DPP10: variants seen among roughly 807,000 people sequenced by gnomAD.
The protein encoded by DPP10 is inactive dipeptidyl peptidase 10.
In DPP10, 33 loss-of-function variants were observed where a neutral mutation model predicts 120.9. The ratio of observed to expected loss-of-function variants is 0.27; its 90% CI spans 0.21 to 0.37. The LOEUF (loss-of-function observed/expected upper bound fraction) is 0.37, where lower values mean the gene tolerates loss of function less well. Among genes scored for constraint, DPP10 ranks in the 10% least tolerant of loss-of-function variants. The pLI, the probability that DPP10 is intolerant of heterozygous loss-of-function variation, is 1.00. For missense variants in DPP10, 816 were observed against 942.8 expected, an observed-to-expected ratio of 0.87 and a Z score of 1.76; for synonymous variants, 337 against 326.1, an observed-to-expected ratio of 1.03 and a Z score of -0.36.
chr2:115,665,072 T>A (rs1006137224), intron 5 of DPP10, among the ~76,000 whole-genome samples: 1 of 152,202 alleles, frequency 6.6e-6, no homozygotes, highest in Admixed American at 6.5e-5. Context: ...AATTTGTATT[T>A]TTAACTTACA....
chr2:114,837,324 C>T (rs78571637), intron 1 of DPP10, among the ~76,000 whole-genome samples: 13,221 of 152,106 alleles, frequency 0.087, 680 homozygotes, highest in Non-Finnish European at 0.11. Context: ...TGTCTTCAGC[C>T]GGTCCCTCCG....
At chr2:115,408,172 C>T (rs998266758) in intron 3 of DPP10, among the ~76,000 whole-genome samples, 3 of 152,096 alleles carry the variant, frequency 2.0e-5, no homozygotes, top group Admixed American at 2.0e-4. Flanking sequence ...AGTATCTGCT[C>T]TTACCCACAT....
chr2:115,608,886 C>T (rs1575324251), intron 5 of DPP10, among the ~76,000 whole-genome samples: 1 of 151,446 alleles, frequency 6.6e-6, no homozygotes, highest in East Asian at 1.9e-4. Context: ...AAGTTGAAGA[C>T]ATTGAAAAAG....
chr2:114,660,634 A>T (rs1697330524), intron 1 of DPP10, among the ~76,000 whole-genome samples: 1 of 152,218 alleles, frequency 6.6e-6, no homozygotes, highest in African/African-American at 2.4e-5. Flanking sequence ...TCCAGACGTC[A>T]TTGGTAATAG....
intron 1 of DPP10, among the ~76,000 whole-genome samples, chr2:114,782,509 G>A (rs1045374869): frequency 1.3e-5 from 2 of 151,866 alleles, no homozygotes; most frequent in African/African-American, 4.8e-5. Flanking sequence ...AGCATCTGAA[G>A]GCACCCATTT....
intron 5 of DPP10, among the ~76,000 whole-genome samples, chr2:115,569,893 A>G (rs2081239938): frequency 6.6e-6 from 1 of 152,162 alleles, no homozygotes; most frequent in South Asian, 2.1e-4. Context: ...AAACACTAAT[A>G]AAATGCTAAT....
Position 115,829,325 on chromosome 2 carries a change from G to A in DPP10, c.1951-6832G>A, listed in dbSNP as rs559835240. On this transcript the variant is annotated intron_variant, in intron 21 of 25. Coordinates refer to ENST00000410059, the MANE Select transcript of DPP10 (RefSeq NM_020868.6). ...CATCATTAACAGTGATACCAACTAA[G>A]AATTAAGTTCTCATTCATTTCAGGG... 2.5e-3 allele frequency among the ~76,000 whole-genome samples: 378 copies of A among 152,196 alleles called. 3 individuals are homozygous for A. Among genetic ancestry groups the A allele is most frequent in the Non-Finnish European group, 3.9e-3 (264 of 67,982 alleles).
At chr2:114,563,052 T>C (rs1220013003) in intron 1 of DPP10, among the ~76,000 whole-genome samples, 1 of 152,234 alleles carries the variant, frequency 6.6e-6, no homozygotes, top group East Asian at 1.9e-4. Context: ...CTGTTTTTCA[T>C]TCAAATTTCA....
At position 114,923,210 on chromosome 2, in the gene DPP10, G is replaced by A. The variant is rs192743598; in HGVS notation, c.61-386029G>A. Among the ~76,000 whole-genome samples, 924 of 146,966 alleles carry A rather than the reference G, an allele frequency of 6.3e-3. 8 individuals carry two copies. Among genetic ancestry groups the A allele is most frequent in the African/African-American group, 0.022 (862 of 39,806 alleles). ...TTTTTCTTTTTTTTTTTTAGACAGA[G>A]TGTCACTCTGTCACCCAGGCTGGAG... On this transcript the variant is annotated intron_variant, in intron 1 of 25. Coordinates refer to ENST00000410059, the MANE Select transcript of DPP10 (RefSeq NM_020868.6).
At chr2:114,612,586 T>C (rs1055684124) in intron 1 of DPP10, among the ~76,000 whole-genome samples, 3 of 152,178 alleles carry the variant, frequency 2.0e-5, no homozygotes, top group African/African-American at 7.2e-5. Flanking sequence ...AAGGCTATCC[T>C]AAACCTCATT....
intron 1 of DPP10, among the ~76,000 whole-genome samples, chr2:115,284,438 A>G (rs532008942): frequency 1.3e-5 from 2 of 152,104 alleles, no homozygotes; most frequent in Admixed American, 1.3e-4. Context: ...AAGTCAAAAC[A>G]TGACTTCATA....
intron 1 of DPP10, among the ~76,000 whole-genome samples, chr2:114,890,144 T>C (rs1002330519): frequency 3.3e-5 from 5 of 152,202 alleles, no homozygotes; most frequent in African/African-American, 1.2e-4. Flanking sequence ...GAGAGACACC[T>C]GTATATATCC....
At chr2:114,961,129 G>T (rs958645625) in intron 1 of DPP10, among the ~76,000 whole-genome samples, 1 of 119,850 alleles carries the variant, frequency 8.3e-6, no homozygotes, top group Non-Finnish European at 1.6e-5. Context: ...TCAGCTCACC[G>T]CAACCTCCAC....
At position 115,021,488 on chromosome 2, in the gene DPP10, A is replaced by G. The variant is rs116491857; in HGVS notation, c.61-287751A>G. Among the ~76,000 whole-genome samples the G allele has an allele frequency of 5.6e-3, 855 of 152,254 alleles. 9 individuals are homozygous for G. The highest frequency in any genetic ancestry group is 0.019 in the African/African-American group (807 of 41,558). ...CCAGGAAGATATACAATCTCTGAAT[A>G]TACCAATAAAAAGCAGTGAGATTGA... On this transcript the variant is annotated intron_variant, in intron 1 of 25. Coordinates refer to ENST00000410059, the MANE Select transcript of DPP10 (RefSeq NM_020868.6).
intron 1 of DPP10, among the ~76,000 whole-genome samples, chr2:114,888,142 C>CAAAAA (rs1231068172): frequency 7.6e-5 from 5 of 66,158 alleles, no homozygotes; most frequent in East Asian, 3.6e-4. Context: ...GCCTCCGTCT[C>CAAAAA]AAAAAAAAAA....
intron 1 of DPP10, among the ~76,000 whole-genome samples, chr2:115,118,873 T>A (rs1391702643): frequency 6.6e-6 from 1 of 151,884 alleles, no homozygotes; most frequent in Non-Finnish European, 1.5e-5. Context: ...CCTCGGCCTC[T>A]CAAAATGCTG....
intron 3 of DPP10, among the ~76,000 whole-genome samples, chr2:115,388,786 A>C (rs2067129935): frequency 6.6e-6 from 1 of 152,162 alleles, no homozygotes; most frequent in African/African-American, 2.4e-5. Context: ...TAATTTAATG[A>C]GATTTTAGTT....
At chr2:115,178,173 G>A (rs1446493686) in intron 1 of DPP10, among the ~76,000 whole-genome samples, 1 of 152,002 alleles carries the variant, frequency 6.6e-6, no homozygotes, top group African/African-American at 2.4e-5. Flanking sequence ...CAGTCTTGGT[G>A]CAGGTGTGTT....
chr2:115,078,941 G>A (rs573827000), intron 1 of DPP10, among the ~76,000 whole-genome samples: 15 of 152,140 alleles, frequency 9.9e-5, no homozygotes, highest in Non-Finnish European at 1.9e-4. Flanking sequence ...TGATTAATGG[G>A]CAATTTTTTG....
Sources: allele counts gnomAD v4.1 joint callset (sites outside exome capture counted in the v4.1 genomes callset), GRCh38; gene constraint gnomAD v4.1.1; transcripts MANE v1.5; gene names NCBI Gene and HGNC (gene_info 2026-07-23, HGNC 2026-07-21).